The following MALAT1 variants were observed in gnomAD, a reference collection of about 807,000 sequenced individuals.
MALAT1 encodes metastasis associated lung adenocarcinoma transcript 1.
chr11:65,500,942 T>A (rs773977297), exon 3 of MALAT1: 1 of 512,518 alleles, frequency 2.0e-6, no homozygotes, highest in Non-Finnish European at 3.9e-6. Context: ...TACTCATGAA[T>A]CTTGTCTGAA....
At chr11:65,498,203 C>CA (rs775859603) in intron 1 of MALAT1, 22 of 518,822 alleles carry the variant, frequency 4.2e-5, no homozygotes, top group Middle Eastern at 3.2e-4. Flanking sequence ...TCTTCGGAGA[C>CA]AAAGCCATTC....
At chr11:65,504,178 A>T (rs1313179944) in intron 3 of MALAT1, 1 of 516,362 alleles carries the variant, frequency 1.9e-6, no homozygotes, top group African/African-American at 1.9e-5. Context: ...TGAATTGCAT[A>T]TGAGTGCTTG....
At chr11:65,500,157 C>A in exon 3 of MALAT1, 1 of 503,652 alleles carries the variant, frequency 2.0e-6, no homozygotes, top group Non-Finnish European at 3.9e-6. Context: ...AAAATCACAT[C>A]AAAAAGCTAC....
chr11:65,501,345 A>T, exon 3 of MALAT1: 1 of 518,852 alleles, frequency 1.9e-6, no homozygotes, highest in Non-Finnish European at 3.8e-6. Flanking sequence ...CAATATCAGG[A>T]TAATCAGACC....
exon 3 of MALAT1, chr11:65,503,105 C>T (rs774465029): frequency 7.9e-6 from 4 of 508,880 alleles, no homozygotes; most frequent in South Asian, 2.9e-5. Flanking sequence ...GCCAATGTTT[C>T]GTTTGCCTCA....
exon 3 of MALAT1, chr11:65,499,853 A>C: frequency 2.4e-6 from 1 of 424,162 alleles, no homozygotes. Flanking sequence ...AAATTGGAAG[A>C]TAGAAACAAG....
chr11:65,498,922 A>G (rs756728685), intron 2 of MALAT1: 1 of 518,920 alleles, frequency 1.9e-6, no homozygotes, highest in Non-Finnish European at 3.8e-6. Context: ...AAGTAAAACT[A>G]GAACCTATTT....
chr11:65,503,945 T>G (rs1252316325), intron 3 of MALAT1: 2 of 515,598 alleles, frequency 3.9e-6, no homozygotes, highest in Non-Finnish European at 7.7e-6. Flanking sequence ...ATTACACATT[T>G]TATTTCCAGA....
chr11:65,502,184 C>A (rs1338788135), exon 3 of MALAT1: 1 of 518,288 alleles, frequency 1.9e-6, no homozygotes. Context: ...AAGTATTGAA[C>A]TGGGGGTTGG....
exon 3 of MALAT1, chr11:65,498,977 A>G: frequency 3.9e-6 from 2 of 518,974 alleles, no homozygotes; most frequent in Non-Finnish European, 7.7e-6. Flanking sequence ...AGGCGGCGGA[A>G]GGTGATCGAA....
exon 3 of MALAT1, chr11:65,502,041 G>C (rs1194515764): frequency 1.9e-6 from 1 of 516,946 alleles, no homozygotes; most frequent in Non-Finnish European, 3.9e-6. Flanking sequence ...TTTCCCCCCA[G>C]TTTGAATTGG....
exon 3 of MALAT1, chr11:65,499,306 G>T (rs1164994814): frequency 2.0e-6 from 1 of 511,080 alleles, no homozygotes; most frequent in South Asian, 1.4e-5. Context: ...CATGACGGAG[G>T]TTGAGATGAA....
exon 3 of MALAT1, chr11:65,502,813 T>G: frequency 2.0e-6 from 1 of 511,164 alleles, no homozygotes; most frequent in Non-Finnish European, 3.9e-6. Context: ...GAACATTATC[T>G]GCATATGCCA....
chr11:65,505,863 T>G (rs781653929), intron 3 of MALAT1: 2 of 460,802 alleles, frequency 4.3e-6, no homozygotes, highest in Admixed American at 2.3e-5. Flanking sequence ...TGGGAACATG[T>G]AACTTGTAGA....
chr11:65,498,370 G>A (rs749195759), intron 1 of MALAT1: 2 of 518,460 alleles, frequency 3.9e-6, no homozygotes, highest in South Asian at 2.8e-5. Flanking sequence ...GCAGATCAGA[G>A]TGGGCCACTG....
chr11:65,500,033 A>G (rs1336484541), exon 3 of MALAT1: 7 of 432,934 alleles, frequency 1.6e-5, no homozygotes, highest in Admixed American at 2.9e-5. Flanking sequence ...AAGCCCATCA[A>G]TTTAATTTCT....
chr11:65,505,561 C>G, intron 3 of MALAT1: 1 of 515,762 alleles, frequency 1.9e-6, no homozygotes, highest in Non-Finnish European at 3.9e-6. Context: ...TCTGCCACAT[C>G]GCCACCCCGT....
At chr11:65,505,743 G>C (rs373484523) in intron 3 of MALAT1, 6 of 518,824 alleles carry the variant, frequency 1.2e-5, no homozygotes, top group Non-Finnish European at 2.3e-5. Flanking sequence ...GTTAACAGAA[G>C]GGTATTAAAA....
intron 3 of MALAT1, chr11:65,506,081 T>C (rs757452867): frequency 2.4e-6 from 1 of 422,472 alleles, no homozygotes; most frequent in South Asian, 1.8e-5. Flanking sequence ...TTTTGCTTTT[T>C]GGCCTTTTTC....
Sources: allele counts gnomAD v4.1 joint callset, GRCh38; gene constraint gnomAD v4.1.1; transcripts MANE v1.5; gene names NCBI Gene and HGNC (gene_info 2026-07-23, HGNC 2026-07-21).